DCC: variants seen among roughly 807,000 people sequenced by gnomAD.
The protein encoded by DCC is netrin receptor DCC.
A neutral mutation model predicts 172.5 loss-of-function variants in DCC; 58 were observed. That is an observed-to-expected ratio of 0.34 (90% CI 0.27 to 0.42). DCC has a LOEUF of 0.42. Ranked by LOEUF, DCC falls within the 10% of genes least tolerant of loss-of-function variation. The probability of loss-of-function intolerance (pLI) is 1.00; values close to 1 mark genes in which losing one functional copy is unlikely to be tolerated. For synonymous variants in DCC, 709 were observed against 644.5 expected (o/e 1.10, Z -1.52); for missense variants, 1,740 against 1,791.0 (o/e 0.97, Z 0.51).
chr18:52,371,332 T>C (rs8093555), intron 1 of DCC, among the ~76,000 whole-genome samples: 7,901 of 152,316 alleles, frequency 0.052, 666 homozygotes, highest in African/African-American at 0.18. Flanking sequence ...ATAGTGTTTC[T>C]GCTTTTAGAT....
intron 5 of DCC, among the ~76,000 whole-genome samples, chr18:53,005,695 T>C (rs1242391359): frequency 1.3e-5 from 2 of 152,126 alleles, no homozygotes; most frequent in Non-Finnish European, 2.9e-5. Context: ...GCCACTGCAC[T>C]CCAGCCTGGG....
chr18:53,430,183 C>T (rs1029117494), intron 21 of DCC, among the ~76,000 whole-genome samples: 1 of 152,038 alleles, frequency 6.6e-6, no homozygotes, highest in Non-Finnish European at 1.5e-5. Flanking sequence ...TTTCAGAGAA[C>T]AAATTTTAAG....
At chr18:53,129,115 G>C (rs915866651) in intron 7 of DCC, among the ~76,000 whole-genome samples, 1 of 151,720 alleles carries the variant, frequency 6.6e-6, no homozygotes, top group Non-Finnish European at 1.5e-5. Flanking sequence ...TCAAACTCCT[G>C]ACCTCAAGTG....
chr18:52,389,756 C>T (rs562641392), intron 1 of DCC, among the ~76,000 whole-genome samples: 3 of 152,154 alleles, frequency 2.0e-5, no homozygotes, highest in African/African-American at 7.2e-5. Flanking sequence ...ATCTTTGAAG[C>T]TGTGTGCACC....
chr18:52,759,241 G>A (rs754979606), intron 2 of DCC: 10 of 151,944 alleles, frequency 6.6e-5, no homozygotes, highest in East Asian at 1.9e-4. Flanking sequence ...TAAAGAGTAG[G>A]GTTTTAGTTG....
intron 12 of DCC, among the ~76,000 whole-genome samples, chr18:53,284,896 T>C (rs1285926080): frequency 6.6e-6 from 1 of 152,158 alleles, no homozygotes; most frequent in African/African-American, 2.4e-5. Flanking sequence ...GTGACTCTTG[T>C]TATGTTTTAG....
At chr18:52,875,739 A>G (rs2039393883) in intron 2 of DCC, among the ~76,000 whole-genome samples, 1 of 152,170 alleles carries the variant, frequency 6.6e-6, no homozygotes, top group African/African-American at 2.4e-5. Flanking sequence ...TCACTGCTAT[A>G]CTTTTTTAAA....
intron 2 of DCC, among the ~76,000 whole-genome samples, chr18:52,808,653 T>C (rs2038134559): frequency 1.3e-5 from 2 of 152,136 alleles, no homozygotes; most frequent in Admixed American, 1.3e-4. Context: ...CAAGGGAGTG[T>C]CTCCTGCCAC....
At chr18:53,299,154 G>A (rs1330775160) in intron 12 of DCC, among the ~76,000 whole-genome samples, 1 of 152,132 alleles carries the variant, frequency 6.6e-6, no homozygotes, top group Non-Finnish European at 1.5e-5. Flanking sequence ...TGAATGGTGG[G>A]GAAGAAGGGA....
chr18:52,598,894 G>A (rs1214174775), intron 1 of DCC, among the ~76,000 whole-genome samples: 1 of 152,102 alleles, frequency 6.6e-6, no homozygotes, highest in Non-Finnish European at 1.5e-5. Flanking sequence ...CCAGAGGGGT[G>A]GAATGCCGTG....
At chr18:53,008,709 C>T (rs1289921458) in intron 5 of DCC, among the ~76,000 whole-genome samples, 2 of 151,808 alleles carry the variant, frequency 1.3e-5, no homozygotes, top group African/African-American at 4.8e-5. Context: ...ATACACTATA[C>T]ATACAGCTCT....
intron 1 of DCC, among the ~76,000 whole-genome samples, chr18:52,550,762 T>C (rs184752257): frequency 6.6e-6 from 1 of 152,268 alleles, no homozygotes; most frequent in African/African-American, 2.4e-5. Flanking sequence ...CTATTAGGAA[T>C]AGTAATTCAT....
intron 7 of DCC, among the ~76,000 whole-genome samples, chr18:53,149,878 T>G (rs1482651470): frequency 6.6e-6 from 1 of 152,218 alleles, no homozygotes; most frequent in Admixed American, 6.5e-5. Flanking sequence ...TTGGCCATAC[T>G]CTTTGCTGTA....
At chr18:52,892,877 A>G (rs1322912052) in intron 2 of DCC, among the ~76,000 whole-genome samples, 1 of 152,144 alleles carries the variant, frequency 6.6e-6, no homozygotes, top group African/African-American at 2.4e-5. Flanking sequence ...CCCAGTAGGT[A>G]CTTCCAAATT....
rs555564517 is a variant in DCC at position 53,170,412 on chromosome 18, GAA to G, written c.1419-8547_1419-8546del. 2.9e-4 allele frequency among the ~76,000 whole-genome samples: 44 copies of G among 152,308 alleles called. No individual in the cohort carries two copies. The South Asian group carries it at 9.1e-3, about 32-fold the overall frequency. ...CTTTGCAAAGAAAATTAATATGATA[GAA>G]AATATCAATAAAGATTTTTTTTGGA... On this transcript the variant is annotated intron_variant, in intron 8 of 28. Coordinates refer to ENST00000442544, the MANE Select transcript of DCC (RefSeq NM_005215.4).
At chr18:52,776,556 T>C (rs2037436868) in intron 2 of DCC, among the ~76,000 whole-genome samples, 1 of 152,110 alleles carries the variant, frequency 6.6e-6, no homozygotes, top group Non-Finnish European at 1.5e-5. Flanking sequence ...TTTACAAATA[T>C]ATAAAATAAC....
intron 1 of DCC, among the ~76,000 whole-genome samples, chr18:52,450,431 T>C (rs772144284): frequency 2.8e-4 from 43 of 152,220 alleles, no homozygotes; most frequent in Admixed American, 1.4e-3. Context: ...TAGTTTGTTC[T>C]GGGAAGGTCC....
chr18:52,718,440 C>T (rs1360901780), intron 1 of DCC, among the ~76,000 whole-genome samples: 1 of 152,132 alleles, frequency 6.6e-6, no homozygotes, highest in East Asian at 1.9e-4. Context: ...CACAGCATTG[C>T]CACCCTTTGA....
intron 12 of DCC, among the ~76,000 whole-genome samples, chr18:53,292,881 A>G (rs1260110406): frequency 1.3e-5 from 2 of 152,136 alleles, no homozygotes; most frequent in Non-Finnish European, 2.9e-5. Context: ...GTGAAACCCA[A>G]TCATGTGAGG....
Sources: gnomAD v4.1 joint callset for allele counts (sites outside exome capture counted in the v4.1 genomes callset) on GRCh38, gnomAD v4.1.1 for gene constraint, MANE v1.5 for transcripts, NCBI Gene and HGNC (gene_info 2026-07-23, HGNC 2026-07-21) for gene names.